The following POFUT3 variants were observed in gnomAD, a reference collection of about 807,000 sequenced individuals.
The protein encoded by POFUT3 is protein O-fucosyltransferase 3, also known as GDP-fucose protein O-fucosyltransferase 3.
chr8:33,320,827 C>T, the POFUT3 span, among the ~76,000 whole-genome samples: 1 of 152,026 alleles, frequency 6.6e-6, no homozygotes, highest in African/African-American at 2.4e-5. Context: ...TTCCAGGAGG[C>T]TCAGACAAAA....
At chr8:33,455,430 C>T in the POFUT3 span, among the ~76,000 whole-genome samples, 2 of 152,036 alleles carry the variant, frequency 1.3e-5, no homozygotes, top group Non-Finnish European at 2.9e-5. Flanking sequence ...AGGCTGAGAC[C>T]AGAGGATCAC....
At chr8:33,358,816 G>A in the POFUT3 span, among the ~76,000 whole-genome samples, 63 of 151,484 alleles carry the variant, frequency 4.2e-4, no homozygotes, top group Non-Finnish European at 8.2e-4. Context: ...CAGCCTGGGC[G>A]ACATGGCAAC....
the POFUT3 span, chr8:33,436,376 A>T: frequency 2.2e-5 from 30 of 1,381,936 alleles, no homozygotes; most frequent in African/African-American, 4.1e-4. Flanking sequence ...TCATGATGTC[A>T]CATTCAACGA....
At chr8:33,412,287 G>T in the POFUT3 span, among the ~76,000 whole-genome samples, 1 of 152,118 alleles carries the variant, frequency 6.6e-6, no homozygotes, top group Non-Finnish European at 1.5e-5. Context: ...GAAGCATTGG[G>T]AATTAATAGT....
chr8:33,412,093 T>G, the POFUT3 span, among the ~76,000 whole-genome samples: 5 of 152,184 alleles, frequency 3.3e-5, no homozygotes, highest in African/African-American at 1.2e-4. Context: ...ACTGATTAAA[T>G]AACAAGGCTG....
the POFUT3 span, among the ~76,000 whole-genome samples, chr8:33,334,823 T>C: frequency 6.6e-6 from 1 of 152,214 alleles, no homozygotes; most frequent in Non-Finnish European, 1.5e-5. Context: ...AGGTGTTCAG[T>C]GTGTAACTTC....
chr8:33,443,031 T>C, the POFUT3 span, among the ~76,000 whole-genome samples: 1 of 152,010 alleles, frequency 6.6e-6, no homozygotes, highest in South Asian at 2.1e-4. Flanking sequence ...GGGGATCAGT[T>C]GAGCCTGAGA....
the POFUT3 span, among the ~76,000 whole-genome samples, chr8:33,466,866 A>G: frequency 6.6e-6 from 1 of 152,210 alleles, no homozygotes; most frequent in Non-Finnish European, 1.5e-5. Flanking sequence ...GTACTTTGAG[A>G]GGCCAAGGCG....
At chr8:33,429,540 T>C in the POFUT3 span, among the ~76,000 whole-genome samples, 1 of 152,110 alleles carries the variant, frequency 6.6e-6, no homozygotes, top group Admixed American at 6.6e-5. Context: ...AGATATGTAC[T>C]TTCTATAATT....
chr8:33,335,442 T>A, the POFUT3 span, among the ~76,000 whole-genome samples: 134 of 152,312 alleles, frequency 8.8e-4, no homozygotes, highest in African/African-American at 2.9e-3. Flanking sequence ...AATTCTGACA[T>A]GAATGTTGGT....
the POFUT3 span, among the ~76,000 whole-genome samples, chr8:33,363,419 C>A: frequency 6.6e-6 from 1 of 152,082 alleles, no homozygotes; most frequent in African/African-American, 2.4e-5. Context: ...CAACTAAGAT[C>A]AGAGCAGAAC....
chr8:33,366,468 G>T, the POFUT3 span, among the ~76,000 whole-genome samples: 1 of 151,826 alleles, frequency 6.6e-6, no homozygotes, highest in Admixed American at 6.6e-5. Flanking sequence ...TGTAAAAATT[G>T]CTGTCTCCAG....
the POFUT3 span, among the ~76,000 whole-genome samples, chr8:33,328,877 T>C: frequency 6.6e-6 from 1 of 152,118 alleles, no homozygotes; most frequent in Non-Finnish European, 1.5e-5. Context: ...GGGCATTCTC[T>C]AAAAAGAGGA....
At chr8:33,428,824 C>T in the POFUT3 span, among the ~76,000 whole-genome samples, 26 of 152,312 alleles carry the variant, frequency 1.7e-4, no homozygotes, top group Middle Eastern at 6.8e-3. Flanking sequence ...AGAAGGACCT[C>T]GCCAAGTGAT....
the POFUT3 span, among the ~76,000 whole-genome samples, chr8:33,406,287 G>T: frequency 6.6e-6 from 1 of 151,844 alleles, no homozygotes; most frequent in Admixed American, 6.6e-5. Flanking sequence ...ATATATCTAT[G>T]GTATGATTCA....
the POFUT3 span, among the ~76,000 whole-genome samples, chr8:33,339,764 C>T: frequency 3.9e-5 from 6 of 152,076 alleles, no homozygotes; most frequent in African/African-American, 1.4e-4. Flanking sequence ...TAAGAAATGA[C>T]ATGATATTTT....
At chr8:33,435,770 CCT>C in the POFUT3 span, among the ~76,000 whole-genome samples, 1 of 152,170 alleles carries the variant, frequency 6.6e-6, no homozygotes, top group Admixed American at 6.5e-5. Flanking sequence ...CCCACCTCGG[CCT>C]CCCAAAGTGC....
At chr8:33,446,709 C>T in the POFUT3 span, among the ~76,000 whole-genome samples, 2 of 152,140 alleles carry the variant, frequency 1.3e-5, no homozygotes, top group Non-Finnish European at 2.9e-5. Context: ...CAATAAACAT[C>T]AGTACTCCTG....
At chr8:33,309,561 A>G in the POFUT3 span, among the ~76,000 whole-genome samples, 1 of 152,090 alleles carries the variant, frequency 6.6e-6, no homozygotes, top group Non-Finnish European at 1.5e-5. Context: ...GCCCAGTGAC[A>G]GCAGGCATTT....
Sources: gnomAD v4.1 joint callset for allele counts (sites outside exome capture counted in the v4.1 genomes callset) on GRCh38, gnomAD v4.1.1 for gene constraint, MANE v1.5 for transcripts, NCBI Gene and HGNC (gene_info 2026-07-23, HGNC 2026-07-21) for gene names.